Variants in ADGRL2 observed in about 807,000 individuals in gnomAD.
The protein encoded by ADGRL2 is adhesion G protein-coupled receptor L2.
A neutral mutation model predicts 157.4 loss-of-function variants in ADGRL2; 44 were observed. The observed-to-expected ratio is 0.28, with a 90% CI of 0.22 to 0.36. The LOEUF (loss-of-function observed/expected upper bound fraction) is 0.36, where lower values mean the gene tolerates loss of function less well. Ranked by LOEUF, ADGRL2 falls within the 10% of genes least tolerant of loss-of-function variation. ADGRL2 has a pLI of 1.00. For synonymous variants in ADGRL2, 585 were observed against 624.7 expected (o/e 0.94, Z 0.95); for missense variants, 1,510 against 1,768.9 (o/e 0.85, Z 2.63).
chr1:81,344,443 G>A (rs558361607), intron 1 of ADGRL2, among the ~76,000 whole-genome samples: 2 of 152,060 alleles, frequency 1.3e-5, no homozygotes, highest in African/African-American at 2.4e-5. Flanking sequence ...TTGGGAGGAC[G>A]AAGCATGCGG....
chr1:81,850,507 T>C (rs1407564354), intron 2 of ADGRL2, among the ~76,000 whole-genome samples: 1 of 151,956 alleles, frequency 6.6e-6, no homozygotes, highest in Non-Finnish European at 1.5e-5. Flanking sequence ...CCTTTTTGAC[T>C]TCAAAGTGAG....
Position 81,381,344 on chromosome 1 carries a change from T to C in ADGRL2, c.-301-63692T>C, listed in dbSNP as rs74434996. On this transcript the variant is annotated intron_variant, in intron 1 of 24. Coordinates refer to the ADGRL2 transcript ENST00000370721. ...TTAGTGAAGATAGTAGGGATCTTAA[T>C]CTTATTCCTCATTTTCATCATTAAA... is the stretch of plus-strand genomic sequence containing the variant. Among the ~76,000 whole-genome samples, 2,606 of 152,250 alleles carry C rather than the reference T, an allele frequency of 0.017. 135 individuals carry two copies. The East Asian group carries it at 0.18, about 11-fold the overall frequency.
chr1:81,451,931 T>TA (rs1231028792), intron 2 of ADGRL2, among the ~76,000 whole-genome samples: 1 of 152,198 alleles, frequency 6.6e-6, no homozygotes, highest in Admixed American at 6.6e-5. Flanking sequence ...ATTATAAATC[T>TA]AAAAAACTAT....
intron 1 of ADGRL2, among the ~76,000 whole-genome samples, chr1:81,388,499 G>A (rs1019746271): frequency 1.3e-5 from 2 of 152,084 alleles, no homozygotes; most frequent in African/African-American, 4.8e-5. Context: ...TGGTCTGAAT[G>A]TTTTATCTTC....
chr1:81,315,306 A>C (rs1225681100), intron 1 of ADGRL2, among the ~76,000 whole-genome samples: 1 of 152,088 alleles, frequency 6.6e-6, no homozygotes, highest in Non-Finnish European at 1.5e-5. Context: ...TAACCTCAGT[A>C]TAAGGGGTGA....
intron 1 of ADGRL2, among the ~76,000 whole-genome samples, chr1:81,811,322 C>T (rs2149667986): frequency 6.6e-6 from 1 of 151,746 alleles, no homozygotes; most frequent in South Asian, 2.1e-4. Context: ...TTCTTATAAG[C>T]CTGTCAGTTC....
chr1:81,856,588 A>G (rs1340704330), intron 2 of ADGRL2, among the ~76,000 whole-genome samples: 1 of 152,180 alleles, frequency 6.6e-6, no homozygotes, highest in Non-Finnish European at 1.5e-5. Context: ...ACCAGCAGAA[A>G]TGGTGATTTA....
chr1:81,953,894 T>G (rs1367291146), intron 10 of ADGRL2, among the ~76,000 whole-genome samples: 1 of 152,120 alleles, frequency 6.6e-6, no homozygotes, highest in Non-Finnish European at 1.5e-5. Context: ...TTTCTTAGAC[T>G]AGAGAGTATT....
intron 2 of ADGRL2, among the ~76,000 whole-genome samples, chr1:81,764,666 C>T (rs975608276): frequency 1.3e-5 from 2 of 152,054 alleles, no homozygotes; most frequent in Non-Finnish European, 2.9e-5. Context: ...TATTCACCAA[C>T]AGTAAGAATT....
chr1:81,427,530 T>C, intron 1 of ADGRL2: 1 of 749,136 alleles, frequency 1.3e-6, no homozygotes, highest in Middle Eastern at 2.7e-4. Flanking sequence ...AAGGGGGCAG[T>C]TTTGGTGGAA....
intron 1 of ADGRL2, among the ~76,000 whole-genome samples, chr1:81,816,126 T>C (rs2090379959): frequency 6.6e-6 from 1 of 151,782 alleles, no homozygotes; most frequent in Non-Finnish European, 1.5e-5. Flanking sequence ...ATTCTCCTTA[T>C]TGCTTGTTAA....
At position 81,811,217 on chromosome 1, in the gene ADGRL2, G is replaced by T. The variant is rs188223550; in HGVS notation, c.-101+10149G>T. Reference sequence around the variant, plus strand: ...TACCTCATTTGTTTCATTGGGAAAAGATATAACTGATACCTCAGTATGATA... The same window carrying T: ...TACCTCATTTGTTTCATTGGGAAAATATATAACTGATACCTCAGTATGATA... On this transcript the variant is annotated intron_variant, in intron 1 of 23. Transcript: ENST00000686636. Among the ~76,000 whole-genome samples the T allele has an allele frequency of 7.2e-5, 11 of 151,930 alleles. No individual in the cohort carries two copies. The East Asian group carries it at 2.1e-3, about 29-fold the overall frequency.
chr1:81,340,395 C>T (rs1661984629), intron 1 of ADGRL2, among the ~76,000 whole-genome samples: 1 of 152,138 alleles, frequency 6.6e-6, no homozygotes, highest in African/African-American at 2.4e-5. Context: ...GTGCTTGCCC[C>T]AGGTCACGAG....
At position 81,945,521 on chromosome 1, in the gene ADGRL2, A is replaced by G. The variant is rs377068498; in HGVS notation, c.1210+1752A>G. Among the ~76,000 whole-genome samples, 34 of 152,296 alleles carry G rather than the reference A, an allele frequency of 2.2e-4. No homozygotes were observed. In the East Asian group the frequency reaches 5.6e-3, roughly 25 times the overall value. On this transcript the variant is annotated intron_variant, in intron 6 of 23. Coordinates refer to ENST00000686636, the MANE Select transcript of ADGRL2 (RefSeq NM_001366006.2). ...ATAATTCAGTTCAACAAATAAAAAC[A>G]TTACCCATCTACTTGCCACAAAGTA...
chr1:81,878,845 A>G (rs1224275236), intron 2 of ADGRL2, among the ~76,000 whole-genome samples: 3 of 152,148 alleles, frequency 2.0e-5, no homozygotes, highest in Admixed American at 1.3e-4. Flanking sequence ...TTTCTTTTCT[A>G]AAAAGACACA....
intron 1 of ADGRL2, among the ~76,000 whole-genome samples, chr1:81,383,775 T>G (rs376382396): frequency 1.7e-5 from 2 of 114,572 alleles, no homozygotes; most frequent in Non-Finnish European, 3.5e-5. Flanking sequence ...CCATCCTGGC[T>G]AACACGGTGA....
intron 1 of ADGRL2, among the ~76,000 whole-genome samples, chr1:81,373,151 T>C (rs1209164459): frequency 1.3e-5 from 2 of 152,200 alleles, no homozygotes; most frequent in African/African-American, 4.8e-5. Flanking sequence ...CAATTCAGTC[T>C]TACCTCTGTA....
intron 3 of ADGRL2, among the ~76,000 whole-genome samples, chr1:81,655,293 C>T (rs1245096523): frequency 6.6e-6 from 1 of 152,196 alleles, no homozygotes; most frequent in Non-Finnish European, 1.5e-5. Flanking sequence ...AGCCACCGTG[C>T]CCGGCCTCAT....
Position 81,621,978 on chromosome 1 carries a change from G to A in ADGRL2, c.-143+40998G>A, listed in dbSNP as rs946307465. Among the ~76,000 whole-genome samples, 9 of 152,238 alleles carry A rather than the reference G, an allele frequency of 5.9e-5. No homozygotes were observed. The South Asian group carries it at 6.2e-4, about 11-fold the overall frequency. ...ACTTGCAATAATGAGTGGTTCCACC[G>A]TAGGTTGAAAGCCTCTCCGTCTTCA... On this transcript the variant is annotated intron_variant, in intron 3 of 24. Coordinates refer to the ADGRL2 transcript ENST00000370721.
Sources: allele counts gnomAD v4.1 joint callset (sites outside exome capture counted in the v4.1 genomes callset), GRCh38; gene constraint gnomAD v4.1.1; transcripts MANE v1.5; gene names NCBI Gene and HGNC (gene_info 2026-07-23, HGNC 2026-07-21).